The following ARMH4 variants were observed in gnomAD, a reference collection of about 807,000 sequenced individuals.
ARMH4 encodes the protein armadillo like helical domain containing 4, also known as armadillo-like helical domain-containing protein 4.
A neutral mutation model predicts 61.9 loss-of-function variants in ARMH4; 49 were observed. The ratio of observed to expected loss-of-function variants is 0.79; its 90% CI spans 0.63 to 1.00. ARMH4 has a LOEUF of 1.00. Among genes scored for constraint, ARMH4 ranks in the 50% least tolerant of loss-of-function variants. ARMH4 has a pLI of 0.00. For synonymous variants in ARMH4, 368 were observed against 341.5 expected (o/e 1.08, Z -0.85); for missense variants, 934 against 930.0 (o/e 1.00, Z -0.06).
rs144936469 is a variant in ARMH4, at chr14:58,015,020, A to C, written c.2090-2870T>G. Among the ~76,000 whole-genome samples the C allele has an allele frequency of 2.0e-3, 308 of 152,312 alleles. 1 individual carries two copies. The highest frequency in any genetic ancestry group is 7.1e-3 in the African/African-American group (294 of 41,578). On this transcript the variant is annotated intron_variant, in intron 5 of 7. Transcript: ENST00000267485. ...GGATAGCCTGGAGAAGAGGAAAAGG[A>C]GGCAAAGACCAGCCCAGGGTCCAAG...
intron 5 of ARMH4, among the ~76,000 whole-genome samples, chr14:58,080,466 G>A (rs1885183782): frequency 6.6e-6 from 1 of 152,188 alleles, no homozygotes; most frequent in Non-Finnish European, 1.5e-5. Context: ...AATTCTGTCT[G>A]TAATGAGGGA....
intron 4 of ARMH4, among the ~76,000 whole-genome samples, chr14:58,097,413 T>G (rs1247242516): frequency 6.6e-6 from 1 of 152,214 alleles, no homozygotes; most frequent in Non-Finnish European, 1.5e-5. Context: ...AATTCATTAT[T>G]TTGGCACAGC....
intron 5 of ARMH4, among the ~76,000 whole-genome samples, chr14:58,020,919 G>T (rs1417241227): frequency 6.6e-6 from 1 of 152,190 alleles, no homozygotes; most frequent in African/African-American, 2.4e-5. Context: ...TTTAGTTCCA[G>T]CCTGAGTCCA....
At chr14:58,040,242 G>A (rs1338722267) in intron 5 of ARMH4, among the ~76,000 whole-genome samples, 1 of 151,972 alleles carries the variant, frequency 6.6e-6, no homozygotes, top group Non-Finnish European at 1.5e-5. Flanking sequence ...ACAGGGGTTT[G>A]GTGTACAGAT....
chr14:58,141,819 C>G (rs890546964), intron 1 of ARMH4, among the ~76,000 whole-genome samples: 1 of 152,126 alleles, frequency 6.6e-6, no homozygotes, highest in Non-Finnish European at 1.5e-5. Flanking sequence ...TCTGCCACAA[C>G]TATAAAAGTT....
Position 58,002,962 on chromosome 14 carries a change from C to T in ARMH4, c.*1774G>A, listed in dbSNP as rs1462195986. On this transcript the variant is annotated 3_prime_UTR_variant, in exon 8 of 8. Transcript: ENST00000267485. ...GATGAAAATGTTCTTGTGAGCCAGA[C>T]ATTATTCAAAAACGGATTCTAGGAA... 1.3e-5 allele frequency: 2 copies of T among 152,112 alleles called. No homozygotes were observed. The highest frequency in any genetic ancestry group is 2.9e-5 in the Non-Finnish European group (2 of 68,034). The allele number at this position is 152,112 out of a possible 1,614,324, so 9.4% of individuals were successfully genotyped here. A position where few individuals can be genotyped will look rare whatever the true frequency, so the allele number is the denominator to read the frequency against.
At chr14:58,050,471 T>C (rs1884100132) in intron 5 of ARMH4, among the ~76,000 whole-genome samples, 1 of 152,170 alleles carries the variant, frequency 6.6e-6, no homozygotes, top group Non-Finnish European at 1.5e-5. Flanking sequence ...TGTGAGTGAC[T>C]ACATTCTCCT....
chr14:58,026,150 T>A (rs937430710), intron 5 of ARMH4, among the ~76,000 whole-genome samples: 2 of 152,110 alleles, frequency 1.3e-5, no homozygotes, highest in Admixed American at 6.5e-5. Flanking sequence ...ACTCTTGTGA[T>A]GAGAAGGCTG....
chr14:58,145,160 A>G (rs1295554650), intron 1 of ARMH4, among the ~76,000 whole-genome samples: 1 of 151,802 alleles, frequency 6.6e-6, no homozygotes, highest in African/African-American at 2.4e-5. Flanking sequence ...GCCCCAGGCC[A>G]TCATGAATGG....
chr14:58,129,591 T>A (rs1008529716), intron 4 of ARMH4, among the ~76,000 whole-genome samples: 13 of 152,222 alleles, frequency 8.5e-5, no homozygotes, highest in African/African-American at 3.1e-4. Flanking sequence ...TGCACTTATA[T>A]TCCCGGGCAA....
At chr14:58,078,983 T>C (rs1885136140) in intron 5 of ARMH4, among the ~76,000 whole-genome samples, 1 of 152,330 alleles carries the variant, frequency 6.6e-6, no homozygotes, top group African/African-American at 2.4e-5. Context: ...TAAAAAGTAA[T>C]AATCCCTCTT....
At position 58,073,256 on chromosome 14, in the gene ARMH4, C is replaced by T. The variant is rs139576554; in HGVS notation, c.2089+23468G>A. ...AGTAGTATAAGGAATCATTCTTATG[C>T]CATTTTTAAAAAATAAAAAACTGTT... On this transcript the variant is annotated intron_variant, in intron 5 of 7. Transcript: ENST00000267485. 2.0e-3 allele frequency among the ~76,000 whole-genome samples: 312 copies of T among 152,250 alleles called. 2 individuals are homozygous for T. The highest frequency in any genetic ancestry group is 7.3e-3 in the African/African-American group (305 of 41,540).
intron 4 of ARMH4, among the ~76,000 whole-genome samples, chr14:58,127,644 G>A (rs1041792524): frequency 2.6e-5 from 4 of 152,022 alleles, no homozygotes; most frequent in African/African-American, 7.2e-5. Context: ...AAGACCAATC[G>A]GATCAAGAAT....
At chr14:58,074,116 T>C (rs1460235906) in intron 5 of ARMH4, among the ~76,000 whole-genome samples, 1 of 152,174 alleles carries the variant, frequency 6.6e-6, no homozygotes, top group African/African-American at 2.4e-5. Flanking sequence ...AAACCTGAAA[T>C]TCACCTTGAT....
chr14:58,056,422 T>C (rs1884350171), intron 5 of ARMH4, among the ~76,000 whole-genome samples: 1 of 152,212 alleles, frequency 6.6e-6, no homozygotes, highest in Admixed American at 6.5e-5. Context: ...ACAAAGCCCA[T>C]AGTTTAATGA....
At chr14:58,089,608 T>C (rs1885493935) in intron 5 of ARMH4, among the ~76,000 whole-genome samples, 1 of 152,214 alleles carries the variant, frequency 6.6e-6, no homozygotes, top group African/African-American at 2.4e-5. Context: ...TTACAGTGCA[T>C]AATAAATGAT....
At chr14:58,134,167 G>C (rs1887224280) in intron 2 of ARMH4, among the ~76,000 whole-genome samples, 1 of 152,194 alleles carries the variant, frequency 6.6e-6, no homozygotes, top group Admixed American at 6.5e-5. Flanking sequence ...ACAGAACTTA[G>C]GTTTAGAAAA....
chr14:58,041,160 G>A (rs1035722171), intron 5 of ARMH4, among the ~76,000 whole-genome samples: 5 of 152,166 alleles, frequency 3.3e-5, no homozygotes, highest in African/African-American at 9.7e-5. Flanking sequence ...AAAGCAGGGC[G>A]AGGCATCGCC....
intron 6 of ARMH4, among the ~76,000 whole-genome samples, chr14:58,006,751 G>A (rs1190466910): frequency 6.9e-6 from 1 of 144,990 alleles, no homozygotes; most frequent in Non-Finnish European, 1.5e-5. Context: ...CACACACCGG[G>A]CCCTGTCGTG....
Sources: allele counts gnomAD v4.1 joint callset (sites outside exome capture counted in the v4.1 genomes callset), GRCh38; gene constraint gnomAD v4.1.1; transcripts MANE v1.5; gene names NCBI Gene and HGNC (gene_info 2026-07-23, HGNC 2026-07-21).